Variants in RFX4 observed in about 807,000 individuals in gnomAD.
RFX4 encodes transcription factor RFX4.
In RFX4, 10 loss-of-function variants were observed where a neutral mutation model predicts 95.0. The ratio of observed to expected loss-of-function variants is 0.11; its 90% CI spans 0.06 to 0.18. RFX4 has a LOEUF of 0.18. Ranked by LOEUF, RFX4 falls within the 10% of genes least tolerant of loss-of-function variation. RFX4 has a pLI of 1.00. For synonymous variants in RFX4, 321 were observed against 340.7 expected (o/e 0.94, Z 0.64); for missense variants, 640 against 922.0 (o/e 0.69, Z 3.96).
At chr12:106,643,150 C>A (rs2040667661) in intron 3 of RFX4, among the ~76,000 whole-genome samples, 1 of 152,192 alleles carries the variant, frequency 6.6e-6, no homozygotes, top group South Asian at 2.1e-4. Flanking sequence ...GGGGGTGTAA[C>A]TTGGGAGAGG....
chr12:106,611,613 T>A (rs1254292175), intron 2 of RFX4, among the ~76,000 whole-genome samples: 2 of 151,860 alleles, frequency 1.3e-5, no homozygotes, highest in Non-Finnish European at 2.9e-5. Context: ...CAGGTTCAAG[T>A]GATTCTCCTG....
At chr12:106,748,436 G>A (rs532327716) in intron 16 of RFX4, among the ~76,000 whole-genome samples, 18 of 152,206 alleles carry the variant, frequency 1.2e-4, no homozygotes, top group Admixed American at 2.6e-4. Flanking sequence ...AGGTTCTAGC[G>A]GTGTTTTATG....
At chr12:106,704,553 A>C (rs1050068628) in intron 8 of RFX4, among the ~76,000 whole-genome samples, 24 of 152,072 alleles carry the variant, frequency 1.6e-4, no homozygotes, top group Non-Finnish European at 8.8e-5. Context: ...CTCACTCATG[A>C]CCCTGGGCAG....
chr12:106,670,380 G>A (rs1233846050), intron 4 of RFX4, among the ~76,000 whole-genome samples: 6 of 152,006 alleles, frequency 3.9e-5, no homozygotes, highest in African/African-American at 1.2e-4. Context: ...TCATGTACAC[G>A]TGACACATTA....
chr12:106,750,195 G>C (rs2042972772), intron 16 of RFX4, among the ~76,000 whole-genome samples: 1 of 152,128 alleles, frequency 6.6e-6, no homozygotes, highest in Non-Finnish European at 1.5e-5. Flanking sequence ...AAAAAGAAGA[G>C]GCCGGACACG....
chr12:106,695,174 G>C (rs2041856034), intron 7 of RFX4, among the ~76,000 whole-genome samples: 2 of 152,142 alleles, frequency 1.3e-5, no homozygotes, highest in African/African-American at 2.4e-5. Flanking sequence ...ACTCAAGAGT[G>C]CCCATCTGTT....
At chr12:106,614,906 G>A (rs1433149150) in intron 2 of RFX4, among the ~76,000 whole-genome samples, 2 of 152,152 alleles carry the variant, frequency 1.3e-5, no homozygotes, top group East Asian at 3.8e-4. Flanking sequence ...TATTTGTCAG[G>A]TAAAAGTATT....
intron 2 of RFX4, among the ~76,000 whole-genome samples, chr12:106,635,170 A>C (rs1427378405): frequency 6.6e-6 from 1 of 152,196 alleles, no homozygotes; most frequent in Non-Finnish European, 1.5e-5. Context: ...GTCCAGGTGG[A>C]CCAAAATGCT....
intron 17 of RFX4, among the ~76,000 whole-genome samples, chr12:106,755,741 A>G (rs142550935): frequency 1.3e-5 from 2 of 152,338 alleles, no homozygotes; most frequent in African/African-American, 4.8e-5. Context: ...AGCTGTTCCA[A>G]TTCTGAGTAA....
chr12:106,619,527 C>T (rs143078629), intron 2 of RFX4, among the ~76,000 whole-genome samples: 173 of 152,102 alleles, frequency 1.1e-3, no homozygotes, highest in Non-Finnish European at 2.0e-3. Context: ...TTTTCATTGC[C>T]TTTGGTTTTC....
rs577115294 is a variant in RFX4, at chr12:106,609,750, T to C, written c.130+867T>C. 4.1e-4 allele frequency among the ~76,000 whole-genome samples: 63 copies of C among 152,278 alleles called. 3 individuals carry two copies. In the East Asian group the frequency reaches 0.011, roughly 27 times the overall value. ...GTAATTAGTTTGATGGGGTTTTTTT[T>C]TTCTTTACATATTGTATCCACTGGT... On this transcript the variant is annotated intron_variant, in intron 2 of 17. Coordinates refer to ENST00000392842, the MANE Select transcript of RFX4 (RefSeq NM_213594.3).
At chr12:106,652,097 C>A (rs984166087) in intron 3 of RFX4, among the ~76,000 whole-genome samples, 2 of 152,160 alleles carry the variant, frequency 1.3e-5, no homozygotes, top group Non-Finnish European at 2.9e-5. Context: ...TCCTAAGAAA[C>A]CTATTCTTTA....
chr12:106,666,207 C>G (rs2041173957), intron 4 of RFX4, among the ~76,000 whole-genome samples: 2 of 151,918 alleles, frequency 1.3e-5, no homozygotes, highest in Admixed American at 1.3e-4. Context: ...TCATTTCACT[C>G]TCTTCTTGTT....
intron 1 of RFX4, among the ~76,000 whole-genome samples, chr12:106,594,048 A>G (rs763598950): frequency 8.5e-5 from 13 of 152,358 alleles, no homozygotes; most frequent in Non-Finnish European, 1.3e-4. Context: ...CTCCCCAAAA[A>G]GAAAATCAAC....
intron 7 of RFX4, among the ~76,000 whole-genome samples, chr12:106,692,838 T>C (rs1266506972): frequency 5.3e-5 from 8 of 152,200 alleles, no homozygotes. Context: ...ACCCTAATAG[T>C]AGGAAGACAT....
rs115529984 is a variant in RFX4, at chr12:106,704,441, T to C, written c.834-4889T>C. On this transcript the variant is annotated intron_variant, in intron 8 of 17. Coordinates refer to ENST00000392842, the MANE Select transcript of RFX4 (RefSeq NM_213594.3). ...CAGGCTCCATCTGAGAGCTGACTTT[T>C]CAGTTTTATATATTCATCCATCCCT... 8.3e-4 allele frequency among the ~76,000 whole-genome samples: 127 copies of C among 152,358 alleles called. 1 individual carries two copies. Among genetic ancestry groups the C allele is most frequent in the African/African-American group, 2.9e-3 (120 of 41,588 alleles).
chr12:106,591,538 T>C (rs2039545847), intron 1 of RFX4, among the ~76,000 whole-genome samples: 1 of 152,160 alleles, frequency 6.6e-6, no homozygotes. Flanking sequence ...AGTGCTGGGA[T>C]TACAGGCGTG....
intron 17 of RFX4, among the ~76,000 whole-genome samples, chr12:106,757,384 C>T (rs903682765): frequency 6.6e-6 from 1 of 151,906 alleles, no homozygotes; most frequent in African/African-American, 2.4e-5. Flanking sequence ...CTCACCTCTA[C>T]AAAAAATTTA....
At chr12:106,600,988 C>T in intron 1 of RFX4, 1 of 431,464 alleles carries the variant, frequency 2.3e-6, no homozygotes, top group South Asian at 5.2e-5. Context: ...GAGCAGAGAC[C>T]TTGTCTGCCA....
Sources: gnomAD v4.1 joint callset for allele counts (sites outside exome capture counted in the v4.1 genomes callset) on GRCh38, gnomAD v4.1.1 for gene constraint, MANE v1.5 for transcripts, NCBI Gene and HGNC (gene_info 2026-07-23, HGNC 2026-07-21) for gene names.